The following GRIK5 variants were observed in gnomAD, a reference collection of about 807,000 sequenced individuals.
GRIK5 encodes glutamate receptor ionotropic, kainate 5.
A neutral mutation model predicts 97.4 loss-of-function variants in GRIK5; 43 were observed. The ratio of observed to expected loss-of-function variants is 0.44; its 90% CI spans 0.35 to 0.57. The LOEUF (loss-of-function observed/expected upper bound fraction) is 0.57. Ranked by LOEUF, GRIK5 falls within the 20% of genes least tolerant of loss-of-function variation. The pLI, the probability that GRIK5 is intolerant of heterozygous loss-of-function variation, is 0.01. For synonymous variants in GRIK5, 580 were observed against 583.5 expected (o/e 0.99, Z 0.09); for missense variants, 1,015 against 1,382.0 (o/e 0.73, Z 4.21).
chr19:42,022,120 C>A lies in GRIK5; in HGVS notation c.1588-64G>T. ...CCTGAGCCTCACACCCAGCCCCTGCCCTACCAGGGACCTGGGAGCCTGACC... is the reference window on the plus strand; with the variant it reads ...CCTGAGCCTCACACCCAGCCCCTGCACTACCAGGGACCTGGGAGCCTGACC... On this transcript the variant is annotated intron_variant, in intron 13 of 19. Transcript: ENST00000593562. The surrounding 1 kb of genome is among the most constrained non-coding windows in gnomAD (Gnocchi z 4.2). 4.2e-6 allele frequency: 6 copies of A among 1,411,924 alleles called. No individual in the cohort carries two copies. Among genetic ancestry groups the A allele is most frequent in the Non-Finnish European group, 5.0e-6 (5 of 1,008,492 alleles). 87.5% of individuals were successfully genotyped at this position (1,411,924 alleles called of 1,614,324 possible). A position where few individuals can be genotyped will look rare whatever the true frequency, so the allele number is the denominator to read the frequency against.
At position 42,068,512 on chromosome 19, in the gene GRIK5, A is replaced by C. The variant is rs1422491809; in HGVS notation, c.-51+729T>G. On this transcript the variant is annotated intron_variant, in intron 1 of 19. Coordinates refer to ENST00000593562, the MANE Select transcript of GRIK5 (RefSeq NM_002088.5). ...GGAGGGACTGAGGAGCCGGGCACCC[A>C]GAGTGGATCTGGGGGAAAGAGGTGG... 11 of 386,014 alleles carry C rather than the reference A, an allele frequency of 2.8e-5. 1 individual carries two copies. The highest frequency in any genetic ancestry group is 5.0e-5 in the Non-Finnish European group (11 of 218,096). 23.9% of individuals were successfully genotyped at this position (386,014 alleles called of 1,614,324 possible).
intron 15 of GRIK5, among the ~76,000 whole-genome samples, chr19:42,010,774 A>G (rs2075551785): frequency 6.6e-6 from 1 of 152,174 alleles, no homozygotes; most frequent in Non-Finnish European, 1.5e-5. Flanking sequence ...GGTAAATAGA[A>G]AAGATATATT....
Position 42,022,127 on chromosome 19 carries a change from G to A in GRIK5, c.1588-71C>T. ...CTCACACCCAGCCCCTGCCCTACCAGGGACCTGGGAGCCTGACCGGCCCAT... is the reference window on the plus strand; with the variant it reads ...CTCACACCCAGCCCCTGCCCTACCAAGGACCTGGGAGCCTGACCGGCCCAT... On this transcript the variant is annotated intron_variant, in intron 13 of 19. Coordinates refer to ENST00000593562, the MANE Select transcript of GRIK5 (RefSeq NM_002088.5). The surrounding 1 kb of genome is among the most constrained non-coding windows in gnomAD (Gnocchi z 4.2). The A allele has an allele frequency of 7.1e-7, 1 of 1,407,100 alleles. No homozygotes were observed. Among genetic ancestry groups the A allele is most frequent in the South Asian group, 1.2e-5 (1 of 84,086 alleles). 87.2% of individuals were successfully genotyped at this position (1,407,100 alleles called of 1,614,324 possible). A position where few individuals can be genotyped will look rare whatever the true frequency, so the allele number is the denominator to read the frequency against.
chr19:42,054,505 T>C (rs1476880860), intron 8 of GRIK5, 33 bp from the exon 9 acceptor site: 3 of 1,602,718 alleles, frequency 1.9e-6, no homozygotes, highest in Non-Finnish European at 2.6e-6. Context: ...GTGGGATGGA[T>C]AAGAGGCTGC....
intron 12 of GRIK5, among the ~76,000 whole-genome samples, chr19:42,039,467 A>G (rs544465820): frequency 1.3e-5 from 2 of 152,218 alleles, no homozygotes; most frequent in Non-Finnish European, 2.9e-5. Context: ...GCAGAGCCAG[A>G]GTCCGTCTCA....
At chr19:42,020,524 C>G (rs924627563) in intron 15 of GRIK5, among the ~76,000 whole-genome samples, 1 of 152,152 alleles carries the variant, frequency 6.6e-6, no homozygotes, top group Non-Finnish European at 1.5e-5. Flanking sequence ...AGGCTGAAAC[C>G]TACTGGGCTG....
At chr19:42,005,672 G>A (rs781892070) in intron 17 of GRIK5, 51 bp downstream of exon 17, 3 of 1,320,168 alleles carry the variant, frequency 2.3e-6, no homozygotes, top group African/African-American at 2.9e-5. Context: ...GCTCACAGGT[G>A]GTTTTGGATG....
chr19:42,041,052 C>T (rs970525125), intron 12 of GRIK5, among the ~76,000 whole-genome samples: 1 of 152,124 alleles, frequency 6.6e-6, no homozygotes, highest in Non-Finnish European at 1.5e-5. Context: ...CAGCTCTGCT[C>T]TTGCCCAGGG....
chr19:41,999,814 C>T lies in GRIK5; in HGVS notation c.2515-515G>A, dbSNP rs1555870543. On this transcript the variant is annotated intron_variant, in intron 19 of 19. Transcript: ENST00000593562. The surrounding 1 kb of genome is among the most constrained non-coding windows in gnomAD (Gnocchi z 5.0). ...ACAGACATGTATGTAGTGTGTTAGG[C>T]GTGGTGAGTGCTTTGGAAAGAAAGA... Among the ~76,000 whole-genome samples, 1 of 152,130 alleles carries T rather than the reference C, an allele frequency of 6.6e-6. No individual in the cohort carries two copies. Among genetic ancestry groups the T allele is most frequent in the African/African-American group, 2.4e-5 (1 of 41,396 alleles).
At chr19:42,055,725 G>A (rs928466229) in intron 8 of GRIK5, among the ~76,000 whole-genome samples, 1 of 152,132 alleles carries the variant, frequency 6.6e-6, no homozygotes, top group Non-Finnish European at 1.5e-5. Context: ...TGTCACCCAG[G>A]CTGGAGTGCA....
rs766852259 is a variant in GRIK5 at position 42,062,616 on chromosome 19, C to T, written c.380G>A (p.Arg127His). The T allele has an allele frequency of 7.4e-6, 12 of 1,614,006 alleles. No individual in the cohort carries two copies. The highest frequency in any genetic ancestry group is 2.7e-5 in the African/African-American group (2 of 74,898). ...AGACGCGAAGCGAAGGTACTGAAGG[C>T]GGGGTGTCTCCTCGGGACCCACCTT... ...HIKVGPEETP[R>H]LQYLRFASVS... The change falls in exon 5 of 20, where the codon CGC (arginine) becomes CAC (histidine). Residue 127 changes from arginine to histidine, a missense_variant. This residue lies in a region of GRIK5 where 198 missense variants were observed against 218.2 expected (regional missense o/e 0.91). Transcript: ENST00000593562. The surrounding 1 kb of genome is among the most constrained non-coding windows in gnomAD (Gnocchi z 5.3).
chr19:42,046,159 G>C (rs2076040707), intron 11 of GRIK5, among the ~76,000 whole-genome samples: 1 of 152,152 alleles, frequency 6.6e-6, no homozygotes, highest in Non-Finnish European at 1.5e-5. Context: ...GGCAGAGCTG[G>C]GCTTCACAAC....
intron 15 of GRIK5, among the ~76,000 whole-genome samples, chr19:42,013,953 TG>T (rs1476457745): frequency 6.8e-6 from 1 of 147,346 alleles, no homozygotes; most frequent in Non-Finnish European, 1.5e-5. Context: ...CACTTGAGCC[TG>T]GGAGGTTGAG....
At chr19:42,001,980 A>C (rs1266016444) in intron 19 of GRIK5, 2 of 608,874 alleles carry the variant, frequency 3.3e-6, no homozygotes, top group African/African-American at 3.7e-5. Context: ...AGAAAGAGAA[A>C]CCCAACGAGG....
In GRIK5 at chr19:42,062,924, G is replaced by C; in HGVS notation, c.245-69C>G. ...CCTCCTCTCCTTCCCCATCCCTCAGGGAGCCGCCATGGCCCAGGAGAGGAT... is the reference window on the plus strand; with the variant it reads ...CCTCCTCTCCTTCCCCATCCCTCAGCGAGCCGCCATGGCCCAGGAGAGGAT... On this transcript the variant is annotated intron_variant, in intron 3 of 19. Transcript: ENST00000593562. The surrounding 1 kb of genome is among the most constrained non-coding windows in gnomAD (Gnocchi z 5.3). The C allele has an allele frequency of 8.3e-7, 1 of 1,201,204 alleles. No individual in the cohort carries two copies. Among genetic ancestry groups the C allele is most frequent in the Non-Finnish European group, 1.2e-6 (1 of 810,552 alleles). The allele number at this position is 1,201,204 out of a possible 1,614,324, so 74.4% of individuals were successfully genotyped here.
chr19:42,040,059 G>C (rs2075960143), intron 12 of GRIK5, among the ~76,000 whole-genome samples: 1 of 151,854 alleles, frequency 6.6e-6, no homozygotes, highest in African/African-American at 2.4e-5. Context: ...ACTGCATGTT[G>C]TTCTTCAAAA....
chr19:42,022,115 C>T lies in GRIK5; in HGVS notation c.1588-59G>A. The T allele has an allele frequency of 7.0e-7, 1 of 1,434,336 alleles. No homozygotes were observed. Among genetic ancestry groups the T allele is most frequent in the Non-Finnish European group, 9.7e-7 (1 of 1,028,710 alleles). The allele number at this position is 1,434,336 out of a possible 1,614,324, so 88.9% of individuals were successfully genotyped here. A position where few individuals can be genotyped will look rare whatever the true frequency, so the allele number is the denominator to read the frequency against. On this transcript the variant is annotated intron_variant, in intron 13 of 19. Coordinates refer to ENST00000593562, the MANE Select transcript of GRIK5 (RefSeq NM_002088.5). The surrounding 1 kb of genome is among the most constrained non-coding windows in gnomAD (Gnocchi z 4.2). ...CCTGGCCTGAGCCTCACACCCAGCCCCTGCCCTACCAGGGACCTGGGAGCC... is the reference window on the plus strand; with the variant it reads ...CCTGGCCTGAGCCTCACACCCAGCCTCTGCCCTACCAGGGACCTGGGAGCC...
In GRIK5 at chr19:42,042,819, G is replaced by C; in HGVS notation, c.1270-64C>G. On this transcript the variant is annotated intron_variant, in intron 11 of 19. Transcript: ENST00000593562. This position sits in a 1 kb window ranked among gnomAD's most constrained non-coding sequence, Gnocchi z 6.9. ...GTCTAGTGGCTGGGTTGCGGATCCT[G>C]GAGCCCGGACCAGGCAGGTAGAGCA... 1 of 1,313,264 alleles carries C rather than the reference G, an allele frequency of 7.6e-7. No homozygotes were observed. Among genetic ancestry groups the C allele is most frequent in the Non-Finnish European group, 1.1e-6 (1 of 929,682 alleles). The allele number at this position is 1,313,264 out of a possible 1,614,324, so 81.4% of individuals were successfully genotyped here.
Position 42,003,231 on chromosome 19 carries a change from C to T in GRIK5, c.2514+101G>A. The T allele has an allele frequency of 1.8e-6, 2 of 1,108,940 alleles. No homozygotes were observed. Among genetic ancestry groups the T allele is most frequent in the African/African-American group, 1.5e-5 (1 of 65,338 alleles). The allele number at this position is 1,108,940 out of a possible 1,614,324, so 68.7% of individuals were successfully genotyped here. On this transcript the variant is annotated intron_variant, in intron 19 of 19. Coordinates refer to ENST00000593562, the MANE Select transcript of GRIK5 (RefSeq NM_002088.5). This position sits in a 1 kb window ranked among gnomAD's most constrained non-coding sequence, Gnocchi z 4.2. ...CATTCCTCTGCCCCCTTCTCGCGAT[C>T]CCCACCACCCTCCAGGTATGGCTCC...
Sources: allele counts gnomAD v4.1 joint callset (sites outside exome capture counted in the v4.1 genomes callset), GRCh38; gene constraint gnomAD v4.1.1; regional missense constraint gnomAD v4.1.1; non-coding constraint Gnocchi (gnomAD v3.1); transcripts MANE v1.5; gene names NCBI Gene and HGNC (gene_info 2026-07-23, HGNC 2026-07-21).